Variants in CCDC63 observed in about 807,000 individuals in gnomAD.
CCDC63 encodes coiled-coil domain-containing protein 63.
CCDC63 carries 54 observed loss-of-function variants against 63.6 expected under a neutral mutation model. The ratio of observed to expected loss-of-function variants is 0.85; its 90% confidence interval spans 0.68 to 1.07. CCDC63 has a LOEUF of 1.07. CCDC63 is among the 50% of genes least tolerant of loss of function. CCDC63 has a pLI of 0.00. For synonymous variants in CCDC63, 253 were observed against 266.1 expected (o/e 0.95, Z 0.48); for missense variants, 637 against 689.6 (o/e 0.92, Z 0.86).
chr12:110,882,336 AC>A (rs977034094), intron 7 of CCDC63, among the ~76,000 whole-genome samples: 4 of 151,932 alleles, frequency 2.6e-5, no homozygotes, highest in Non-Finnish European at 2.9e-5. Flanking sequence ...AATGAGCAAG[AC>A]CCCATCTCTA....
chr12:110,867,094 C>A (rs2070965267), intron 4 of CCDC63, among the ~76,000 whole-genome samples: 2 of 144,382 alleles, frequency 1.4e-5, no homozygotes, highest in South Asian at 4.4e-4. Flanking sequence ...CCCCTCACCT[C>A]CCAGACGGGG....
At chr12:110,867,794 C>A (rs1383834448) in intron 4 of CCDC63, among the ~76,000 whole-genome samples, 1 of 120,212 alleles carries the variant, frequency 8.3e-6, no homozygotes. Context: ...GCTGGCCGGG[C>A]TGAGGGGCTC....
chr12:110,862,874 G>A (rs2070876827), intron 4 of CCDC63, among the ~76,000 whole-genome samples: 3 of 151,620 alleles, frequency 2.0e-5, no homozygotes, highest in Admixed American at 6.6e-5. Flanking sequence ...TCCTGCCTCA[G>A]CCTCCTGAGT....
chr12:110,861,794 GCTC>G (rs2070857229), intron 4 of CCDC63, among the ~76,000 whole-genome samples: 1 of 150,148 alleles, frequency 6.7e-6, no homozygotes, highest in Non-Finnish European at 1.5e-5. Context: ...CTGGTCTCGA[GCTC>G]CTGACCTCAA....
chr12:110,847,700 T>C (rs1316247898), intron 1 of CCDC63, among the ~76,000 whole-genome samples: 94 of 152,324 alleles, frequency 6.2e-4, no homozygotes, highest in Non-Finnish European at 5.9e-5. Flanking sequence ...TCTGTGCTCC[T>C]GTTTGGCTAG....
intron 5 of CCDC63, among the ~76,000 whole-genome samples, chr12:110,876,572 C>T (rs1242919101): frequency 6.6e-6 from 1 of 152,128 alleles, no homozygotes; most frequent in East Asian, 1.9e-4. Flanking sequence ...TTGCTTTACC[C>T]CAGTGTTGGC....
chr12:110,852,959 C>T lies in CCDC63; in HGVS notation c.5C>T (p.Ser2Phe), dbSNP rs753076766. M[S>F]VLKKNRRKDS... ...GCAAAGTGCGGTTCCTTCAAGATGT[C>T]TGTGGTAGGTGATGCCAGCTCCCAG... Residue 2 changes from serine to phenylalanine, a missense_variant, in exon 2 of 12, where the codon TCT becomes TTT. Coordinates refer to ENST00000308208, the MANE Select transcript of CCDC63 (RefSeq NM_152591.3). 2.8e-5 allele frequency: 45 copies of T among 1,614,160 alleles called. 2 individuals carry two copies. In the South Asian group the frequency reaches 4.6e-4, roughly 17 times the overall value.
intron 4 of CCDC63, among the ~76,000 whole-genome samples, chr12:110,873,055 G>A (rs938054711): frequency 6.6e-6 from 1 of 152,144 alleles, no homozygotes; most frequent in African/African-American, 2.4e-5. Flanking sequence ...CCAACATGGC[G>A]AAACCCCATC....
chr12:110,848,889 G>A (rs1347128566), intron 1 of CCDC63, among the ~76,000 whole-genome samples: 1 of 152,202 alleles, frequency 6.6e-6, no homozygotes, highest in African/African-American at 2.4e-5. Context: ...ATATGAAATT[G>A]GAGCTGCCCC....
At chr12:110,873,082 A>C (rs1467435358) in intron 4 of CCDC63, among the ~76,000 whole-genome samples, 1 of 152,122 alleles carries the variant, frequency 6.6e-6, no homozygotes, top group Admixed American at 6.5e-5. Flanking sequence ...AAAAATACAA[A>C]AAAATTAGAC....
chr12:110,889,512 C>T lies in CCDC63; in HGVS notation c.1075-3564C>T, dbSNP rs1003145560. On this transcript the variant is annotated intron_variant, in intron 8 of 11. Transcript: ENST00000308208. The surrounding 1 kb of genome is among the most constrained non-coding windows in gnomAD (Gnocchi z 4.1). ...GATCTCTGGGGAAGAACGCTCCAGG[C>T]AGAGGAAACAGCAACAGCACACGCA... 5.9e-5 allele frequency among the ~76,000 whole-genome samples: 9 copies of T among 152,044 alleles called. No individual in the cohort carries two copies. The highest frequency in any genetic ancestry group is 1.9e-4 in the African/African-American group (8 of 41,386).
intron 1 of CCDC63, among the ~76,000 whole-genome samples, chr12:110,851,644 TG>T (rs2070707013): frequency 6.6e-6 from 1 of 152,096 alleles, no homozygotes; most frequent in South Asian, 2.1e-4. Context: ...TGGCTTCCCA[TG>T]GGAACTTCAG....
At chr12:110,884,962 G>A (rs1035442436) in intron 8 of CCDC63, among the ~76,000 whole-genome samples, 1 of 150,610 alleles carries the variant, frequency 6.6e-6, no homozygotes, top group Non-Finnish European at 1.5e-5. Context: ...GCCTCCCAAA[G>A]TGCTGGGATT....
chr12:110,879,802 C>A, intron 5 of CCDC63, 104 bp from the exon 6 acceptor site: 5 of 1,089,522 alleles, frequency 4.6e-6, no homozygotes, highest in Non-Finnish European at 6.8e-6. Flanking sequence ...ATGGCCCTTG[C>A]GTATGAGGTG....
chr12:110,858,476 A>G, intron 3 of CCDC63, 110 bp from the exon 4 acceptor site: 3 of 904,648 alleles, frequency 3.3e-6, no homozygotes, highest in Non-Finnish European at 4.9e-6. Flanking sequence ...CTGCTTGCTC[A>G]GGTGGGAAAT....
intron 4 of CCDC63, among the ~76,000 whole-genome samples, chr12:110,868,685 C>T (rs1436933157): frequency 4.9e-5 from 7 of 141,706 alleles, no homozygotes; most frequent in Admixed American, 1.4e-4. Context: ...AGTCCAGCTT[C>T]GGCTCCGCAT....
rs751170825 is a variant in CCDC63 at position 110,893,095 on chromosome 12, G to A, written c.1094G>A (p.Arg365Gln). 7 of 1,614,064 alleles carry A rather than the reference G, an allele frequency of 4.3e-6. No individual in the cohort carries two copies. In the African/African-American group the frequency reaches 5.3e-5, roughly 12 times the overall value. ...QRIQDEIILL[R>Q]SQQKLSHDDN... ...GAGCAGGACGAGATCATCCTCTTGC[G>A]ATCCCAGCAGAAATTGTCCCACGAT... The change falls in exon 9 of 12, where the codon CGA becomes CAA. Residue 365 changes from arginine (R) to glutamine (Q), a missense_variant. By Grantham distance (43) the Arg-to-Gln change is conservative. Coordinates refer to ENST00000308208, the MANE Select transcript of CCDC63 (RefSeq NM_152591.3).
chr12:110,852,177 G>A (rs1229751752), intron 1 of CCDC63, among the ~76,000 whole-genome samples: 2 of 152,154 alleles, frequency 1.3e-5, no homozygotes, highest in African/African-American at 4.8e-5. Context: ...GCTCTAAGAT[G>A]GGAGGGTGGG....
In CCDC63 at chr12:110,893,117, C is replaced by T. The variant is rs199829623; in HGVS notation, c.1116C>T (p.His372=). 4.3e-6 allele frequency: 7 copies of T among 1,614,100 alleles called. No individual in the cohort carries two copies. The highest frequency in any genetic ancestry group is 2.2e-5 in the East Asian group (1 of 44,868). The change falls in exon 9 of 12, where the codon CAC becomes CAT. Residue 372 remains histidine (H), a synonymous_variant. Coordinates refer to ENST00000308208, the MANE Select transcript of CCDC63 (RefSeq NM_152591.3). The stretch of plus-strand genomic sequence containing the variant: ...TGCGATCCCAGCAGAAATTGTCCCA[C>T]GATGACAACCACTCTGTCCTGAGAC... ...ILLRSQQKLS[H]DDNHSVLRQL...
Sources: allele counts gnomAD v4.1 joint callset (sites outside exome capture counted in the v4.1 genomes callset), GRCh38; gene constraint gnomAD v4.1.1; non-coding constraint Gnocchi (gnomAD v3.1); transcripts MANE v1.5; gene names NCBI Gene and HGNC (gene_info 2026-07-23, HGNC 2026-07-21).